The following SLIT2 variants were observed in gnomAD, a reference collection of about 807,000 sequenced individuals.
SLIT2 encodes slit homolog 2 protein.
SLIT2 carries 41 observed loss-of-function variants against 185.7 expected under a neutral mutation model. The observed-to-expected ratio is 0.22, with a 90% CI of 0.17 to 0.29. The LOEUF is 0.29. Among genes scored for constraint, SLIT2 ranks in the 10% least tolerant of loss-of-function variants. The pLI is 1.00. For synonymous variants in SLIT2, 693 were observed against 680.2 expected, an observed-to-expected ratio of 1.02 and a Z score of -0.29; for missense variants, 1,571 against 1,909.0, an observed-to-expected ratio of 0.82 and a Z score of 3.30.
At chr4:20,429,019 G>C (rs1728763253) in intron 4 of SLIT2, among the ~76,000 whole-genome samples, 1 of 152,158 alleles carries the variant, frequency 6.6e-6, no homozygotes, top group African/African-American at 2.4e-5. Context: ...TCCATTTGCT[G>C]TGGTTTTGTT....
Position 20,472,385 on chromosome 4 carries a change from T to TCTATATATATA in SLIT2, c.467+4562_467+4563insCTATATATATA, listed in dbSNP as rs1560453709. Among the ~76,000 whole-genome samples, 157 of 39,260 alleles carry TCTATATATATA rather than the reference T, an allele frequency of 4.0e-3. 16 individuals carry two copies. The Admixed American group carries it at 0.043, about 11-fold the overall frequency. The allele number at this position is 39,260 out of a possible 152,430, so 25.8% of individuals were successfully genotyped here. A position where few individuals can be genotyped will look rare whatever the true frequency, so the allele number is the denominator to read the frequency against. On this transcript the variant is annotated intron_variant, in intron 5 of 36. Coordinates refer to ENST00000504154, the MANE Select transcript of SLIT2 (RefSeq NM_004787.4). ...ATATAGATATCTATATCTATATATATGTAGATATATAGATATAGATATCTA... is the reference window on the plus strand; with the variant it reads ...ATATAGATATCTATATCTATATATATCTATATATATAGTAGATATATAGATATAGATATCTA...
chr4:20,336,940 T>G lies in SLIT2; in HGVS notation c.395+68059T>G, dbSNP rs35242389. Reference sequence around the variant, plus strand: ...AAACATTTTTAGTGCCTGATAAAATTTTTGTTTGGATTTGGCTCCTGAGAA... The same window carrying G: ...AAACATTTTTAGTGCCTGATAAAATGTTTGTTTGGATTTGGCTCCTGAGAA... On this transcript the variant is annotated intron_variant, in intron 4 of 36. Transcript: ENST00000504154. Among the ~76,000 whole-genome samples the G allele has an allele frequency of 4.1e-3, 628 of 152,286 alleles. 1 individual carries two copies. Among genetic ancestry groups the G allele is most frequent in the Non-Finnish European group, 6.6e-3 (449 of 68,032 alleles).
rs892922899 is a variant in SLIT2, at chr4:20,499,244, G to A, written c.914+7345G>A. ...TTAATGGGATTGTTTATTTTTTCTT[G>A]TTGAGTTGTTAGAGTTCCTTGTAGA... On this transcript the variant is annotated intron_variant, in intron 9 of 36. Coordinates refer to ENST00000504154, the MANE Select transcript of SLIT2 (RefSeq NM_004787.4). Among the ~76,000 whole-genome samples the A allele has an allele frequency of 4.6e-5, 7 of 152,052 alleles. No homozygotes were observed. The South Asian group carries it at 1.5e-3, about 32-fold the overall frequency.
chr4:20,374,383 A>G (rs1364110553), intron 4 of SLIT2, among the ~76,000 whole-genome samples: 1 of 152,082 alleles, frequency 6.6e-6, no homozygotes, highest in Non-Finnish European at 1.5e-5. Context: ...ATTGTTCTTT[A>G]ATCTTTTGCT....
chr4:20,459,980 C>T (rs545541633), intron 4 of SLIT2, among the ~76,000 whole-genome samples: 33 of 151,838 alleles, frequency 2.2e-4, no homozygotes, highest in African/African-American at 7.7e-4. Context: ...TCTCCTGCCT[C>T]AGCCTCCCAA....
In SLIT2 at chr4:20,554,844, A is replaced by T. The variant is rs1400858908; in HGVS notation, c.2725+876A>T. Among the ~76,000 whole-genome samples the T allele has an allele frequency of 2.0e-5, 3 of 151,704 alleles. No homozygotes were observed. The East Asian group carries it at 5.8e-4, about 29-fold the overall frequency. On this transcript the variant is annotated intron_variant, in intron 26 of 36. Coordinates refer to ENST00000504154, the MANE Select transcript of SLIT2 (RefSeq NM_004787.4). ...AGTGGCACGATCTCAGCTCACTGCA[A>T]CCTCCACCTCCCGGGTCCCGGCTCA...
chr4:20,530,870 T>A (rs1420987076), intron 16 of SLIT2, among the ~76,000 whole-genome samples: 1 of 149,828 alleles, frequency 6.7e-6, no homozygotes, highest in East Asian at 1.9e-4. Context: ...AAATGTCCAA[T>A]AAACACATGA....
intron 10 of SLIT2, 103 bp from the exon 11 acceptor site, chr4:20,510,963 T>C: frequency 1.5e-6 from 1 of 689,120 alleles, no homozygotes; most frequent in South Asian, 1.9e-5. Flanking sequence ...GGACATGTCT[T>C]GATAAGTACA....
At chr4:20,431,225 TAAG>T (rs1282942972) in intron 4 of SLIT2, among the ~76,000 whole-genome samples, 1 of 152,096 alleles carries the variant, frequency 6.6e-6, no homozygotes, top group East Asian at 1.9e-4. Flanking sequence ...AATAATGCAA[TAAG>T]GAGACACTTT....
At chr4:20,616,877 G>A (rs758523941) in intron 34 of SLIT2, 33 bp from the exon 35 acceptor site, 2 of 1,552,526 alleles carry the variant, frequency 1.3e-6, no homozygotes, top group Admixed American at 1.8e-5. Context: ...AATCCCCAGA[G>A]AGCCTGACCT....
intron 4 of SLIT2, among the ~76,000 whole-genome samples, chr4:20,451,230 C>G (rs1712436187): frequency 6.6e-6 from 1 of 152,164 alleles, no homozygotes; most frequent in Non-Finnish European, 1.5e-5. Context: ...GTCACTCAGT[C>G]ACACTTAGTG....
chr4:20,489,222 G>A (rs1001606221), intron 8 of SLIT2, among the ~76,000 whole-genome samples: 10 of 152,074 alleles, frequency 6.6e-5, no homozygotes, highest in African/African-American at 2.4e-4. Context: ...TTTCACTCCA[G>A]GGGAAAATAT....
chr4:20,344,533 A>G (rs1412482247), intron 4 of SLIT2, among the ~76,000 whole-genome samples: 3 of 152,216 alleles, frequency 2.0e-5, no homozygotes, highest in Non-Finnish European at 4.4e-5. Context: ...TGAAAGGAAT[A>G]GCCATCTGTT....
At chr4:20,368,343 T>A (rs965093050) in intron 4 of SLIT2, among the ~76,000 whole-genome samples, 45 of 149,016 alleles carry the variant, frequency 3.0e-4, no homozygotes, top group Admixed American at 8.7e-4. Context: ...TAATAAAATT[T>A]AAAAAAAAAG....
Position 20,480,805 on chromosome 4 carries a change from T to C in SLIT2, c.539+18T>C. 1 of 1,588,504 alleles carries C rather than the reference T, an allele frequency of 6.3e-7. No homozygotes were observed. Among genetic ancestry groups the C allele is most frequent in the South Asian group, 1.1e-5 (1 of 90,564 alleles). On this transcript the variant is annotated intron_variant, in intron 6 of 36. Coordinates refer to ENST00000504154, the MANE Select transcript of SLIT2 (RefSeq NM_004787.4). Reference sequence around the variant, plus strand: ...GAAGTGCTGTAAGTACTGCTATTTCTCTTGCTCTTTTAACGGGGGCTTTGT... The same window carrying C: ...GAAGTGCTGTAAGTACTGCTATTTCCCTTGCTCTTTTAACGGGGGCTTTGT...
chr4:20,460,707 A>C (rs541749195), intron 4 of SLIT2, among the ~76,000 whole-genome samples: 1 of 152,054 alleles, frequency 6.6e-6, no homozygotes, highest in Non-Finnish European at 1.5e-5. Context: ...CACCATTTTA[A>C]CCTCTACTTC....
intron 4 of SLIT2, among the ~76,000 whole-genome samples, chr4:20,449,770 A>T (rs1258209685): frequency 1.3e-5 from 2 of 152,214 alleles, no homozygotes; most frequent in Non-Finnish European, 2.9e-5. Context: ...ATAAGTATTA[A>T]CTAGACTATT....
At chr4:20,511,603 T>TTTTTTTTTTTTTTTTTTTG (rs61276848) in intron 11 of SLIT2, among the ~76,000 whole-genome samples, 1 of 144,140 alleles carries the variant, frequency 6.9e-6, no homozygotes, top group Non-Finnish European at 1.5e-5. Context: ...TTTTTTTTTT[T>TTTTTTTTTTTTTTTTTTTG]ATTTTTGGTA....
intron 2 of SLIT2, 112 bp from the exon 3 acceptor site, chr4:20,257,756 C>T: frequency 1.4e-6 from 1 of 690,058 alleles, no homozygotes; most frequent in Non-Finnish European, 2.6e-6. Context: ...CAAATCAGAG[C>T]ACAATTTAAC....
Sources: allele counts gnomAD v4.1 joint callset (sites outside exome capture counted in the v4.1 genomes callset), GRCh38; gene constraint gnomAD v4.1.1; transcripts MANE v1.5; gene names NCBI Gene and HGNC (gene_info 2026-07-23, HGNC 2026-07-21).